The following ROPN1 variants were observed in gnomAD, a reference collection of about 807,000 sequenced individuals.
ROPN1 encodes ropporin-1A.
In ROPN1, 14 loss-of-function variants were observed where a neutral mutation model predicts 20.5. The ratio of observed to expected loss-of-function variants is 0.68; its 90% confidence interval spans 0.45 to 1.07. ROPN1 has a LOEUF of 1.07. Ranked by LOEUF, ROPN1 falls within the 50% of genes least tolerant of loss-of-function variation. The probability of loss-of-function intolerance (pLI) is 0.00; values close to 1 mark genes in which losing one functional copy is unlikely to be tolerated. For synonymous variants in ROPN1, 76 were observed against 95.7 expected (o/e 0.79, Z 1.20); for missense variants, 169 against 242.8 (o/e 0.70, Z 2.02).
chr3:123,971,108 G>A (rs1281176084), intron 4 of ROPN1, among the ~76,000 whole-genome samples: 1 of 152,118 alleles, frequency 6.6e-6, no homozygotes, highest in African/African-American at 2.4e-5. Flanking sequence ...GGTGACTTAG[G>A]GTGAGTGAAA....
At chr3:123,973,932 G>A (rs1211056973) in intron 4 of ROPN1, among the ~76,000 whole-genome samples, 2 of 152,196 alleles carry the variant, frequency 1.3e-5, no homozygotes, top group Admixed American at 1.3e-4. Flanking sequence ...ACTAAGGGAT[G>A]TGAGAAACCC....
At chr3:123,970,609 C>G (rs182217965) in intron 4 of ROPN1, among the ~76,000 whole-genome samples, 2 of 152,112 alleles carry the variant, frequency 1.3e-5, no homozygotes, top group Non-Finnish European at 2.9e-5. Flanking sequence ...GATAGATGGT[C>G]TAGCCTATAT....
intron 1 of ROPN1, chr3:123,980,765 C>A: frequency 3.0e-6 from 1 of 336,650 alleles, no homozygotes; most frequent in South Asian, 1.0e-4. Context: ...CTAATGATAT[C>A]GCCCCAAAAT....
intron 4 of ROPN1, among the ~76,000 whole-genome samples, chr3:123,972,805 T>C (rs1000096992): frequency 2.0e-5 from 3 of 152,342 alleles, no homozygotes; most frequent in East Asian, 3.9e-4. Flanking sequence ...TAAGGATATA[T>C]GAATTAACTA....
At chr3:123,970,300 A>G in intron 4 of ROPN1, 83 bp from the exon 5 acceptor site, 6 of 1,232,338 alleles carry the variant, frequency 4.9e-6, no homozygotes, top group Non-Finnish European at 6.9e-6. Flanking sequence ...GAAAGAAAAC[A>G]AAAATATTGC....
chr3:123,978,311 C>A (rs866352446), intron 2 of ROPN1, among the ~76,000 whole-genome samples: 32 of 152,090 alleles, frequency 2.1e-4, no homozygotes, highest in Non-Finnish European at 2.8e-4. Flanking sequence ...CAGGGTGTGG[C>A]CTCAGGCTTT....
At chr3:123,975,970 T>G (rs2038013254) in intron 3 of ROPN1, among the ~76,000 whole-genome samples, 2 of 152,226 alleles carry the variant, frequency 1.3e-5, no homozygotes, top group Non-Finnish European at 2.9e-5. Context: ...CCGATTGCAC[T>G]GAGTTCTTAG....
chr3:123,991,831 G>A (rs2038417942), intron 1 of ROPN1, 91 bp downstream of exon 1: 1 of 152,172 alleles, frequency 6.6e-6, no homozygotes, highest in Non-Finnish European at 1.5e-5. Flanking sequence ...AGAATCCAGG[G>A]GGCGTCCGGC....
Position 123,969,213 on chromosome 3 carries a change from G to T in ROPN1, c.581C>A (p.Pro194His). ...LNYMEQEVIG[P>H]DGIITVNDFT... ...GTCATTCACTGTGATTATACCATCA[G>T]GGCCAATTCTGTTTGGAAAAAGGTA... The change falls in exon 6 of 6, where the codon CCT becomes CAT. Residue 194 changes from proline (P) to histidine (H), a missense_variant. Physicochemically the swap from Pro to His is moderately conservative, Grantham distance 77. Around this residue, in one of 3 missense-constraint regions of ROPN1, gnomAD observed 82 missense variants for 100.1 expected, o/e 0.82. Transcript: ENST00000405845. 6.2e-7 allele frequency: 1 copy of T among 1,613,600 alleles called. No homozygotes were observed. Among genetic ancestry groups the T allele is most frequent in the Non-Finnish European group, 8.5e-7 (1 of 1,179,526 alleles).
At chr3:123,980,345 A>C in intron 2 of ROPN1, 21 bp downstream of exon 2, 1 of 1,612,698 alleles carries the variant, frequency 6.2e-7, no homozygotes, top group Non-Finnish European at 8.5e-7. Context: ...CAAGGGGTGA[A>C]GGCGAGAAAG....
At chr3:123,974,417 TTGTTTA>T (rs2037977368) in intron 4 of ROPN1, 1 of 152,248 alleles carries the variant, frequency 6.6e-6, no homozygotes, top group Non-Finnish European at 1.5e-5. Context: ...AAATGTCCTC[TTGTTTA>T]CTTCTCTCTA....
At chr3:123,988,151 ATT>A (rs34660154) in intron 1 of ROPN1, among the ~76,000 whole-genome samples, 53 of 143,972 alleles carry the variant, frequency 3.7e-4, no homozygotes, top group South Asian at 4.4e-4. Context: ...TCCTTCCTAC[ATT>A]TTTTTTTTTT....
chr3:123,976,871 T>C lies in ROPN1; in HGVS notation c.227A>G (p.His76Arg). 1 of 1,611,012 alleles carries C rather than the reference T, an allele frequency of 6.2e-7. No homozygotes were observed. Among genetic ancestry groups the C allele is most frequent in the Non-Finnish European group, 8.5e-7 (1 of 1,178,396 alleles). ...ELTPELLKIL[H>R]SQVAGRLIIR... ...CTGCAGCAGGGCCCTTACCTGAGAA[T>C]GCAGGATCTTTAACAGCTCAGGTGT... The change falls in exon 3 of 6, where the codon CAT (histidine) becomes CGT (arginine). Residue 76 changes from histidine (H) to arginine (R), a missense_variant. By Grantham distance (29) the His-to-Arg change is conservative. Coordinates refer to ENST00000405845, the MANE Select transcript of ROPN1 (RefSeq NM_001317774.2).
At chr3:123,972,471 C>T (rs1164948354) in intron 4 of ROPN1, among the ~76,000 whole-genome samples, 1 of 152,222 alleles carries the variant, frequency 6.6e-6, no homozygotes, top group Non-Finnish European at 1.5e-5. Flanking sequence ...TATGTCATTC[C>T]TTCCAGTGAA....
chr3:123,988,000 A>G (rs887232920), intron 1 of ROPN1, among the ~76,000 whole-genome samples: 2 of 152,204 alleles, frequency 1.3e-5, no homozygotes, highest in African/African-American at 4.8e-5. Context: ...TATGTCCTGT[A>G]AAGTTGTGCA....
At chr3:123,986,453 G>T (rs1315717299) in intron 1 of ROPN1, among the ~76,000 whole-genome samples, 2 of 152,152 alleles carry the variant, frequency 1.3e-5, no homozygotes, top group African/African-American at 4.8e-5. Context: ...TGCACTGGAG[G>T]TGGTGTTGAA....
intron 2 of ROPN1, among the ~76,000 whole-genome samples, chr3:123,978,201 C>T (rs1272966314): frequency 1.3e-5 from 2 of 150,918 alleles, no homozygotes; most frequent in African/African-American, 4.8e-5. Context: ...CCTTGGAGGT[C>T]ATCAGCAGGA....
At chr3:123,981,221 T>C (rs2038140523) in intron 1 of ROPN1, among the ~76,000 whole-genome samples, 1 of 152,228 alleles carries the variant, frequency 6.6e-6, no homozygotes, top group African/African-American at 2.4e-5. Flanking sequence ...TAAAAAGCTG[T>C]CCCTCTTCAA....
rs79935733 is a variant in ROPN1, at chr3:123,984,194, C to T, written c.-12-3701G>A. On this transcript the variant is annotated intron_variant, in intron 1 of 5. Coordinates refer to ENST00000405845, the MANE Select transcript of ROPN1 (RefSeq NM_001317774.2). Reference sequence around the variant, plus strand: ...CGCAGCCTCTTCACGGCTTTATCTACGACAAAACTGTGTGGATTGCACTTG... The same window carrying T: ...CGCAGCCTCTTCACGGCTTTATCTATGACAAAACTGTGTGGATTGCACTTG... Among the ~76,000 whole-genome samples the T allele has an allele frequency of 2.9e-3, 444 of 152,256 alleles. 3 individuals are homozygous for T. The highest frequency in any genetic ancestry group is 0.01 in the Middle Eastern group (3 of 294).
Sources: allele counts gnomAD v4.1 joint callset (sites outside exome capture counted in the v4.1 genomes callset), GRCh38; gene constraint gnomAD v4.1.1; regional missense constraint gnomAD v4.1.1; transcripts MANE v1.5; gene names NCBI Gene and HGNC (gene_info 2026-07-23, HGNC 2026-07-21).